Variants in NEURL1 observed in about 807,000 individuals in gnomAD.
The protein encoded by NEURL1 is E3 ubiquitin-protein ligase NEURL1.
A neutral mutation model predicts 41.2 loss-of-function variants in NEURL1; 26 were observed. That is an observed-to-expected ratio of 0.63 (90% CI 0.46 to 0.87). The LOEUF is 0.87. NEURL1 is among the 40% of genes least tolerant of loss of function. The pLI, the probability that NEURL1 is intolerant of heterozygous loss-of-function variation, is 0.00. For synonymous variants in NEURL1, 400 were observed against 402.3 expected, an observed-to-expected ratio of 0.99 and a Z score of 0.07; for missense variants, 761 against 871.1, an observed-to-expected ratio of 0.87 and a Z score of 1.59.
At position 103,560,047 on chromosome 10, in the gene NEURL1, G is replaced by A. The variant is rs555574315; in HGVS notation, c.86-10825G>A. Reference sequence around the variant, plus strand: ...CACACAAGTGCACACATAAACACACGCACACACACATACACGCATGCACAC... The same window carrying A: ...CACACAAGTGCACACATAAACACACACACACACACATACACGCATGCACAC... On this transcript the variant is annotated intron_variant, in intron 1 of 5. Transcript: ENST00000369780. 1.2e-3 allele frequency among the ~76,000 whole-genome samples: 185 copies of A among 151,626 alleles called. 1 individual carries two copies. The highest frequency in any genetic ancestry group is 2.1e-3 in the Non-Finnish European group (144 of 67,858).
rs548266763 is a variant in NEURL1 at position 103,585,560 on chromosome 10, T to C, written c.1339+335T>C. Among the ~76,000 whole-genome samples the C allele has an allele frequency of 4.6e-5, 7 of 152,224 alleles. No homozygotes were observed. The South Asian group carries it at 1.2e-3, about 27-fold the overall frequency. ...TCAAAAATGAGAGGAAAAGGCCAGG[T>C]GCGGTGGCTCACGCCTGTAATCTCA... On this transcript the variant is annotated intron_variant, in intron 4 of 5. Transcript: ENST00000369780.
intron 1 of NEURL1, among the ~76,000 whole-genome samples, chr10:103,503,351 GA>G (rs2033868929): frequency 6.6e-6 from 1 of 152,188 alleles, no homozygotes; most frequent in Non-Finnish European, 1.5e-5. Context: ...AGAACTTAGA[GA>G]AAAAGAAGGG....
Position 103,537,277 on chromosome 10 carries a change from G to A in NEURL1, c.86-33595G>A, listed in dbSNP as rs558227291. 3.3e-5 allele frequency among the ~76,000 whole-genome samples: 5 copies of A among 152,162 alleles called. No homozygotes were observed. The East Asian group carries it at 9.6e-4, about 29-fold the overall frequency. On this transcript the variant is annotated intron_variant, in intron 1 of 5. Coordinates refer to ENST00000369780, the MANE Select transcript of NEURL1 (RefSeq NM_004210.5). ...CAAGTCCCTGCTTTCCATTCTTTTG[G>A]GTATGCACCCAGAGTGGAATTGCTG...
chr10:103,533,694 A>G (rs111883597), intron 1 of NEURL1, among the ~76,000 whole-genome samples: 2,539 of 151,926 alleles, frequency 0.017, 28 homozygotes, highest in Non-Finnish European at 0.023. Context: ...CCGCCATCAC[A>G]CCCGGCTAAT....
chr10:103,568,298 A>T (rs1218192832), intron 1 of NEURL1, among the ~76,000 whole-genome samples: 1 of 152,182 alleles, frequency 6.6e-6, no homozygotes, highest in African/African-American at 2.4e-5. Context: ...GCCTTGGGGA[A>T]TGTCCTTCCA....
chr10:103,544,776 A>G (rs1321331650), intron 1 of NEURL1, among the ~76,000 whole-genome samples: 1 of 152,160 alleles, frequency 6.6e-6, no homozygotes, highest in Non-Finnish European at 1.5e-5. Flanking sequence ...TTCCCAGGGA[A>G]GAGACCTCCT....
At chr10:103,533,275 T>C (rs1172903301) in intron 1 of NEURL1, among the ~76,000 whole-genome samples, 3 of 152,144 alleles carry the variant, frequency 2.0e-5, no homozygotes, top group African/African-American at 7.2e-5. Flanking sequence ...TTGATTGCTT[T>C]ATTATGTCTC....
intron 1 of NEURL1, among the ~76,000 whole-genome samples, chr10:103,547,463 G>A (rs1230818053): frequency 6.6e-6 from 1 of 152,246 alleles, no homozygotes; most frequent in Non-Finnish European, 1.5e-5. Flanking sequence ...CAGGGCCAGG[G>A]CATGGGAGCA....
chr10:103,527,300 GT>G (rs201722753), intron 1 of NEURL1, among the ~76,000 whole-genome samples: 176 of 138,088 alleles, frequency 1.3e-3, no homozygotes, highest in Admixed American at 3.4e-3. Flanking sequence ...TTTTTTTTTG[GT>G]TTTTTTTTTT....
At chr10:103,580,135 C>G (rs1346441602) in intron 3 of NEURL1, among the ~76,000 whole-genome samples, 1 of 152,034 alleles carries the variant, frequency 6.6e-6, no homozygotes, top group African/African-American at 2.4e-5. Context: ...TGGCCGGGAC[C>G]TCCCTGCCCT....
intron 5 of NEURL1, 137 bp downstream of exon 5, chr10:103,589,797 G>A: frequency 8.2e-7 from 1 of 1,225,332 alleles, no homozygotes; most frequent in Non-Finnish European, 1.1e-6. Flanking sequence ...GATTTCTGGG[G>A]TCATCCCCTC....
chr10:103,571,035 C>T lies in NEURL1; in HGVS notation c.249C>T (p.Val83=). The part of the protein sequence containing the change: ...QILMDLSHKA[V]KRQASFCNAI... ...TCATGGACCTCAGCCACAAGGCTGT[C>T]AAGAGGCAGGCCAGCTTCTGCAACG... The change falls in exon 2 of 6, where the codon GTC becomes GTT. Residue 83 remains valine, a synonymous_variant. Transcript: ENST00000369780. 6.2e-7 allele frequency: 1 copy of T among 1,614,054 alleles called. No individual in the cohort carries two copies. Among genetic ancestry groups the T allele is most frequent in the Non-Finnish European group, 8.5e-7 (1 of 1,180,012 alleles).
chr10:103,584,928 G>A lies in NEURL1; in HGVS notation c.1042G>A (p.Ala348Thr). 1 of 1,481,300 alleles carries A rather than the reference G, an allele frequency of 6.8e-7. No homozygotes were observed. Among genetic ancestry groups the A allele is most frequent in the East Asian group, 2.8e-5 (1 of 35,632 alleles). The allele number at this position is 1,481,300 out of a possible 1,614,324, so 91.8% of individuals were successfully genotyped here. A position where few individuals can be genotyped will look rare whatever the true frequency, so the allele number is the denominator to read the frequency against. The change falls in exon 4 of 6, where the codon GCG becomes ACG. Residue 348 changes from alanine to threonine, a missense_variant. This residue lies in a region of NEURL1 where 443 missense variants were observed against 408.1 expected (regional missense o/e 1.09). Coordinates refer to ENST00000369780, the MANE Select transcript of NEURL1 (RefSeq NM_004210.5). The part of the protein sequence containing the change: ...IFVKVTRSGG[A>T]RPGALSFGVT... ...CGTCAAGGTCACGCGCTCGGGTGGC[G>A]CGCGGCCCGGCGCGCTGTCGTTCGG...
At chr10:103,543,500 C>T (rs1185582054) in intron 1 of NEURL1, among the ~76,000 whole-genome samples, 1 of 152,194 alleles carries the variant, frequency 6.6e-6, no homozygotes, top group Non-Finnish European at 1.5e-5. Flanking sequence ...ATCTTCCCTC[C>T]CTCCTCCTCC....
chr10:103,564,252 G>A (rs1162048471), intron 1 of NEURL1, among the ~76,000 whole-genome samples: 1 of 152,196 alleles, frequency 6.6e-6, no homozygotes, highest in African/African-American at 2.4e-5. Flanking sequence ...GGGGCTGTCG[G>A]GGGAGTTTCC....
intron 1 of NEURL1, among the ~76,000 whole-genome samples, chr10:103,510,012 G>T (rs1388376087): frequency 2.0e-5 from 3 of 152,126 alleles, no homozygotes; most frequent in African/African-American, 7.2e-5. Context: ...GGGGTTTGAT[G>T]ATCAGGGTGG....
intron 4 of NEURL1, 131 bp downstream of exon 4, chr10:103,585,356 G>C: frequency 4.7e-6 from 4 of 844,252 alleles, no homozygotes; most frequent in Non-Finnish European, 7.0e-6. Context: ...AGACACCTAA[G>C]GTGAGTTCTG....
At chr10:103,539,252 C>T (rs1223848001) in intron 1 of NEURL1, among the ~76,000 whole-genome samples, 1 of 152,158 alleles carries the variant, frequency 6.6e-6, no homozygotes, top group Non-Finnish European at 1.5e-5. Context: ...AGCCAATGAG[C>T]ATTTTTTCAT....
chr10:103,578,225 C>G (rs148173575), intron 3 of NEURL1, among the ~76,000 whole-genome samples: 3 of 152,144 alleles, frequency 2.0e-5, no homozygotes, highest in African/African-American at 7.2e-5. Flanking sequence ...TGTGGAAAGG[C>G]ATTTACACAA....
Sources: allele counts gnomAD v4.1 joint callset (sites outside exome capture counted in the v4.1 genomes callset), GRCh38; gene constraint gnomAD v4.1.1; regional missense constraint gnomAD v4.1.1; transcripts MANE v1.5; gene names NCBI Gene and HGNC (gene_info 2026-07-23, HGNC 2026-07-21).